The following FOXK1 variants were observed in gnomAD, a reference collection of about 807,000 sequenced individuals.
FOXK1 encodes the protein forkhead box K1, also known as forkhead box protein K1.
Under a neutral mutation model 51.9 loss-of-function variants are expected in FOXK1, and 19 were observed. The ratio of observed to expected loss-of-function variants is 0.37; its 90% CI spans 0.26 to 0.54. The LOEUF (loss-of-function observed/expected upper bound fraction) is 0.54. Among genes scored for constraint, FOXK1 ranks in the 20% least tolerant of loss-of-function variants. FOXK1 has a pLI of 0.87. For missense variants in FOXK1, 870 were observed against 1,032.7 expected (o/e 0.84, Z 2.16); for synonymous variants, 537 against 482.6 (o/e 1.11, Z -1.48).
rs923540727 is a variant in FOXK1, at chr7:4,737,462, ATG to A, written c.561-3365_561-3364del. Among the ~76,000 whole-genome samples the A allele has an allele frequency of 3.0e-3, 454 of 150,550 alleles. 4 individuals are homozygous for A. Among genetic ancestry groups the A allele is most frequent in the African/African-American group, 0.011 (431 of 40,912 alleles). On this transcript the variant is annotated intron_variant, in intron 1 of 8. Transcript: ENST00000328914. ...TGCGTGTGTGTGCGTGCACGTGTGC[ATG>A]TGTGTGTGTGCGTGGGTGTGGGCGT... is the stretch of plus-strand genomic sequence containing the variant.
At chr7:4,699,603 A>G (rs921421939) in intron 1 of FOXK1, among the ~76,000 whole-genome samples, 3 of 151,980 alleles carry the variant, frequency 2.0e-5, no homozygotes, top group Non-Finnish European at 4.4e-5. Context: ...CCTGGCCTCA[A>G]GTGATCCACC....
chr7:4,728,730 GAAAAAAAAAAAA>G (rs67143977), intron 1 of FOXK1, among the ~76,000 whole-genome samples: 2 of 103,900 alleles, frequency 1.9e-5, no homozygotes, highest in Non-Finnish European at 3.8e-5. Flanking sequence ...GTCTCTTTTT[GAAAAAAAAAAAA>G]AAAAAAAAAG....
rs1184741709 is a variant in FOXK1, at chr7:4,748,938, C to G, written c.747-5521C>G. Among the ~76,000 whole-genome samples, 5 of 152,178 alleles carry G rather than the reference C, an allele frequency of 3.3e-5. No individual in the cohort carries two copies. Among genetic ancestry groups the G allele is most frequent in the Admixed American group, 2.0e-4 (3 of 15,284 alleles). On this transcript the variant is annotated intron_variant, in intron 2 of 8. Transcript: ENST00000328914. The surrounding 1 kb of genome is among the most constrained non-coding windows in gnomAD (Gnocchi z 4.9). ...AAGTTATCTGCCCACCTCAGCCTCC[C>G]AAAGCGCTGGGATTACAGGTGTGAG...
chr7:4,745,839 A>G lies in FOXK1; in HGVS notation c.746+4816A>G, dbSNP rs1042850272. 6.6e-6 allele frequency among the ~76,000 whole-genome samples: 1 copy of G among 152,108 alleles called. No individual in the cohort carries two copies. The highest frequency in any genetic ancestry group is 1.5e-5 in the Non-Finnish European group (1 of 68,000). On this transcript the variant is annotated intron_variant, in intron 2 of 8. Transcript: ENST00000328914. This position sits in a 1 kb window ranked among gnomAD's most constrained non-coding sequence, Gnocchi z 4.3. Reference sequence around the variant, plus strand: ...TAGGAGGCAGAGGTTGCAGTGAACCAAGATTGCACCACTCCAGACTGGGCG... The same window carrying G: ...TAGGAGGCAGAGGTTGCAGTGAACCGAGATTGCACCACTCCAGACTGGGCG...
Position 4,730,197 on chromosome 7 carries a change from A to G in FOXK1, c.561-10641A>G, listed in dbSNP as rs540639023. The stretch of plus-strand genomic sequence containing the variant: ...TAAACAAATTAGGCCCTATGAACGC[A>G]TAAGAACTTATAAACACTAAAACTG... On this transcript the variant is annotated intron_variant, in intron 1 of 8. Transcript: ENST00000328914. This position sits in a 1 kb window ranked among gnomAD's most constrained non-coding sequence, Gnocchi z 4.7. Among the ~76,000 whole-genome samples, 8 of 152,342 alleles carry G rather than the reference A, an allele frequency of 5.3e-5. No homozygotes were observed. Among genetic ancestry groups the G allele is most frequent in the South Asian group, 2.1e-4 (1 of 4,826 alleles).
At position 4,755,366 on chromosome 7, in the gene FOXK1, G is replaced by A; in HGVS notation, c.1033G>A (p.Ala345Thr). The change falls in exon 4 of 9, where the codon GCC becomes ACC. Residue 345 changes from alanine to threonine, a missense_variant. By Grantham distance (58) the Ala-to-Thr change is moderately conservative. Around this residue, in one of 3 missense-constraint regions of FOXK1, gnomAD observed 399 missense variants for 475.6 expected, o/e 0.84. Transcript: ENST00000328914. This position sits in a 1 kb window ranked among gnomAD's most constrained non-coding sequence, Gnocchi z 6.6. ...ITKHYPYYRT[A>T]DKGWQNSIRH... ...CAAGCATTACCCCTACTACCGGACG[G>A]CCGACAAAGGCTGGCAGGTGAAGCC... The A allele has an allele frequency of 6.2e-7, 1 of 1,613,534 alleles. No homozygotes were observed. Among genetic ancestry groups the A allele is most frequent in the Non-Finnish European group, 8.5e-7 (1 of 1,179,988 alleles).
intron 1 of FOXK1, among the ~76,000 whole-genome samples, chr7:4,725,629 G>C (rs1297325836): frequency 6.6e-6 from 1 of 152,286 alleles, no homozygotes; most frequent in Non-Finnish European, 1.5e-5. Context: ...GCGTGTGGCT[G>C]TGTTGGGAGG....
In FOXK1 at chr7:4,707,269, T is replaced by G. The variant is rs1375772463; in HGVS notation, c.560+24401T>G. ...GGTGGTGTTCTGGTGGAGGGGACGC[T>G]GGTAAAGAGCAGGTCTGGCTCAGTG... On this transcript the variant is annotated intron_variant, in intron 1 of 8. Transcript: ENST00000328914. The surrounding 1 kb of genome is among the most constrained non-coding windows in gnomAD (Gnocchi z 4.1). 2.6e-5 allele frequency among the ~76,000 whole-genome samples: 4 copies of G among 152,102 alleles called. No homozygotes were observed. The highest frequency in any genetic ancestry group is 9.7e-5 in the African/African-American group (4 of 41,400).
Position 4,715,089 on chromosome 7 carries a change from C to T in FOXK1, c.561-25749C>T, listed in dbSNP as rs1780217721. ...TCAGATGAGTTTCACGGCTTTAGTA[C>T]AGAAAATATTCAAAGCCAGTGCAGC... is the stretch of plus-strand genomic sequence containing the variant. On this transcript the variant is annotated intron_variant, in intron 1 of 8. Transcript: ENST00000328914. The surrounding 1 kb of genome is among the most constrained non-coding windows in gnomAD (Gnocchi z 4.5). Among the ~76,000 whole-genome samples, 1 of 151,818 alleles carries T rather than the reference C, an allele frequency of 6.6e-6. No individual in the cohort carries two copies. Among genetic ancestry groups the T allele is most frequent in the African/African-American group, 2.4e-5 (1 of 41,210 alleles).
intron 2 of FOXK1, among the ~76,000 whole-genome samples, chr7:4,741,279 G>GT (rs1292075205): frequency 1.3e-5 from 2 of 151,928 alleles, no homozygotes; most frequent in Non-Finnish European, 2.9e-5. Context: ...GCAAGCACAG[G>GT]TTTTTTTGTT....
At position 4,771,327 on chromosome 7, in the gene FOXK1, T is replaced by C. The variant is rs1260455586; in HGVS notation, c.*8863T>C. The stretch of plus-strand genomic sequence containing the variant: ...TAAAATTTCTACTTTTTGTTTTTCA[T>C]TTATTTTAACTGTTCTTTTATCTAT... On this transcript the variant is annotated 3_prime_UTR_variant, in exon 9 of 9. Coordinates refer to ENST00000328914, the MANE Select transcript of FOXK1 (RefSeq NM_001037165.2). The C allele has an allele frequency of 6.6e-6, 1 of 152,640 alleles. No homozygotes were observed. The highest frequency in any genetic ancestry group is 2.4e-5 in the African/African-American group (1 of 41,436). 9.5% of individuals were successfully genotyped at this position (152,640 alleles called of 1,614,324 possible). A position where few individuals can be genotyped will look rare whatever the true frequency, so the allele number is the denominator to read the frequency against.
rs79955053 is a variant in FOXK1 at position 4,707,598 on chromosome 7, A to G, written c.560+24730A>G. ...CGCCTTCCTTTCCGGGTTTTCCTGG[A>G]GAAGGCTGCCTCACTGGGTCTTTGC... On this transcript the variant is annotated intron_variant, in intron 1 of 8. Coordinates refer to ENST00000328914, the MANE Select transcript of FOXK1 (RefSeq NM_001037165.2). This position sits in a 1 kb window ranked among gnomAD's most constrained non-coding sequence, Gnocchi z 4.1. Among the ~76,000 whole-genome samples the G allele has an allele frequency of 0.015, 2,204 of 151,978 alleles. 55 individuals carry two copies. The highest frequency in any genetic ancestry group is 0.051 in the African/African-American group (2,105 of 41,414).
rs1780734871 is a variant in FOXK1 at position 4,748,489 on chromosome 7, G to T, written c.747-5970G>T. Among the ~76,000 whole-genome samples the T allele has an allele frequency of 6.6e-6, 1 of 152,208 alleles. No homozygotes were observed. Among genetic ancestry groups the T allele is most frequent in the African/African-American group, 2.4e-5 (1 of 41,448 alleles). The stretch of plus-strand genomic sequence containing the variant: ...CCGCCACACTCCCCCCGCTCTTGGG[G>T]TTAATAATGGCCTCTTCTCCCTTTA... On this transcript the variant is annotated intron_variant, in intron 2 of 8. Coordinates refer to ENST00000328914, the MANE Select transcript of FOXK1 (RefSeq NM_001037165.2). The surrounding 1 kb of genome is among the most constrained non-coding windows in gnomAD (Gnocchi z 4.9).
In FOXK1 at chr7:4,767,778, TG is replaced by T. The variant is rs1410214625; in HGVS notation, c.*5317del. The T allele has an allele frequency of 6.6e-6, 1 of 152,180 alleles. No individual in the cohort carries two copies. Among genetic ancestry groups the T allele is most frequent in the Admixed American group, 6.5e-5 (1 of 15,268 alleles). 9.4% of individuals were successfully genotyped at this position (152,180 alleles called of 1,614,324 possible). A position where few individuals can be genotyped will look rare whatever the true frequency, so the allele number is the denominator to read the frequency against. On this transcript the variant is annotated 3_prime_UTR_variant, in exon 9 of 9. Transcript: ENST00000328914. The surrounding 1 kb of genome is among the most constrained non-coding windows in gnomAD (Gnocchi z 6.6). ...ATCACATACTTACTGTTTTTTTGGTTGGGTTTTGATACGAAAAGCTGCTACG... is the reference window on the plus strand; with the variant it reads ...ATCACATACTTACTGTTTTTTTGGTTGGTTTTGATACGAAAAGCTGCTACG...
At position 4,755,391 on chromosome 7, in the gene FOXK1, C is replaced by G. The variant is rs116434298; in HGVS notation, c.1050+8C>G. On this transcript the variant is annotated splice_region_variant and intron_variant, in intron 4 of 8. Coordinates refer to ENST00000328914, the MANE Select transcript of FOXK1 (RefSeq NM_001037165.2). The surrounding 1 kb of genome is among the most constrained non-coding windows in gnomAD (Gnocchi z 6.6). ...GCCGACAAAGGCTGGCAGGTGAAGC[C>G]GAGTCCCCAGGGCCGGATCGCCTCT... The G allele has an allele frequency of 2.5e-6, 4 of 1,613,118 alleles. No individual in the cohort carries two copies. The highest frequency in any genetic ancestry group is 1.3e-5 in the African/African-American group (1 of 74,912).
rs1780176125 is a variant in FOXK1, at chr7:4,711,680, A to G, written c.560+28812A>G. Among the ~76,000 whole-genome samples the G allele has an allele frequency of 6.6e-6, 1 of 152,178 alleles. No homozygotes were observed. The highest frequency in any genetic ancestry group is 1.5e-5 in the Non-Finnish European group (1 of 68,036). On this transcript the variant is annotated intron_variant, in intron 1 of 8. Coordinates refer to ENST00000328914, the MANE Select transcript of FOXK1 (RefSeq NM_001037165.2). The surrounding 1 kb of genome is among the most constrained non-coding windows in gnomAD (Gnocchi z 6.3). ...ATACCCTCTCGTATCTGCATCACCC[A>G]TAAGGGGTGGGCAGTGGTGCTGCCG...
Position 4,705,666 on chromosome 7 carries a change from A to C in FOXK1, c.560+22798A>C, listed in dbSNP as rs1417473655. Among the ~76,000 whole-genome samples the C allele has an allele frequency of 2.0e-5, 3 of 151,502 alleles. No homozygotes were observed. In the East Asian group the frequency reaches 5.8e-4, roughly 29 times the overall value. On this transcript the variant is annotated intron_variant, in intron 1 of 8. Transcript: ENST00000328914. Reference sequence around the variant, plus strand: ...ATTCTCCTGCCTCAGCCTCCCAAGCAGCTGGGACTATACAGGCTTGTGCCA... The same window carrying C: ...ATTCTCCTGCCTCAGCCTCCCAAGCCGCTGGGACTATACAGGCTTGTGCCA...
chr7:4,683,072 C>G lies in FOXK1; in HGVS notation c.560+204C>G, dbSNP rs922901225. On this transcript the variant is annotated intron_variant, in intron 1 of 8. Coordinates refer to ENST00000328914, the MANE Select transcript of FOXK1 (RefSeq NM_001037165.2). The surrounding 1 kb of genome is among the most constrained non-coding windows in gnomAD (Gnocchi z 4.5). ...TGGCTCCCTAGGATCACCCCGACCC[C>G]GATCCTGGAGGCTCCAGCCTGAGGA... is the stretch of plus-strand genomic sequence containing the variant. Among the ~76,000 whole-genome samples, 11 of 151,330 alleles carry G rather than the reference C, an allele frequency of 7.3e-5. No homozygotes were observed. The highest frequency in any genetic ancestry group is 1.0e-4 in the Non-Finnish European group (7 of 67,704).
At chr7:4,752,462 ATCT>A (rs1218542655) in intron 2 of FOXK1, among the ~76,000 whole-genome samples, 1 of 152,200 alleles carries the variant, frequency 6.6e-6, no homozygotes, top group African/African-American at 2.4e-5. Flanking sequence ...ATTTTCTATG[ATCT>A]TCTGCAAAAT....
Sources: gnomAD v4.1 joint callset for allele counts (sites outside exome capture counted in the v4.1 genomes callset) on GRCh38, gnomAD v4.1.1 for gene constraint, gnomAD v4.1.1 regional missense constraint, Gnocchi (gnomAD v3.1) non-coding constraint, MANE v1.5 for transcripts, NCBI Gene and HGNC (gene_info 2026-07-23, HGNC 2026-07-21) for gene names.